INSYN2A: variants seen among roughly 807,000 people sequenced by gnomAD.
The protein encoded by INSYN2A is inhibitory synaptic factor 2A, also known as family with sequence similarity 196 member A.
INSYN2A carries 17 observed loss-of-function variants against 39.4 expected under a neutral mutation model. The ratio of observed to expected loss-of-function variants is 0.43; its 90% CI spans 0.30 to 0.65. The LOEUF (loss-of-function observed/expected upper bound fraction) is 0.65. Ranked by LOEUF, INSYN2A falls within the 30% of genes least tolerant of loss-of-function variation. The pLI, the probability that INSYN2A is intolerant of heterozygous loss-of-function variation, is 0.14. For synonymous variants in INSYN2A, 255 were observed against 265.7 expected (o/e 0.96, Z 0.39); for missense variants, 595 against 631.2 (o/e 0.94, Z 0.61).
intron 4 of INSYN2A, among the ~76,000 whole-genome samples, chr10:127,169,529 C>G (rs2054372382): frequency 6.6e-6 from 1 of 152,192 alleles, no homozygotes; most frequent in African/African-American, 2.4e-5. Flanking sequence ...AGTCCATAAC[C>G]TATGGCTTGT....
At chr10:127,195,856 G>C (rs1350928579) in intron 1 of INSYN2A, 141 bp downstream of exon 1, 13 of 152,274 alleles carry the variant, frequency 8.5e-5, no homozygotes. Context: ...CCCGGGAGCC[G>C]CCGAGTTTCC....
chr10:127,138,120 T>A, intron 5 of INSYN2A, 100 bp from the exon 6 acceptor site: 1 of 1,041,160 alleles, frequency 9.6e-7, no homozygotes, highest in Non-Finnish European at 1.4e-6. Context: ...TGTGTGTTTG[T>A]AATGTAATTT....
intron 2 of INSYN2A, 39 bp downstream of exon 2, chr10:127,192,566 C>T (rs184338619): frequency 2.0e-5 from 3 of 152,264 alleles, no homozygotes; most frequent in East Asian, 1.9e-4. Context: ...GTCTAAAGCA[C>T]GTACGACTCA....
At chr10:127,153,788 T>C in intron 5 of INSYN2A, 64 bp downstream of exon 5, 1 of 1,294,004 alleles carries the variant, frequency 7.7e-7, no homozygotes, top group Non-Finnish European at 1.1e-6. Flanking sequence ...CGTTCTTGCA[T>C]TTGTGGGTAA....
At chr10:127,185,558 C>A (rs1055094803) in intron 2 of INSYN2A, among the ~76,000 whole-genome samples, 8 of 152,294 alleles carry the variant, frequency 5.3e-5, no homozygotes, top group South Asian at 2.1e-4. Flanking sequence ...AGCTGAGATA[C>A]AGCAAGAAGA....
At chr10:127,153,607 A>C in intron 5 of INSYN2A, among the ~76,000 whole-genome samples, 1 of 152,228 alleles carries the variant, frequency 6.6e-6, no homozygotes, top group Admixed American at 6.5e-5. Flanking sequence ...CATCAAACTT[A>C]TACCAATTCT....
chr10:127,185,566 A>G (rs1478271250), intron 2 of INSYN2A, among the ~76,000 whole-genome samples: 2 of 152,220 alleles, frequency 1.3e-5, no homozygotes, highest in East Asian at 3.9e-4. Flanking sequence ...TACAGCAAGA[A>G]GACTTAGGAT....
At chr10:127,168,496 G>A (rs550767899) in intron 4 of INSYN2A, among the ~76,000 whole-genome samples, 1 of 152,212 alleles carries the variant, frequency 6.6e-6, no homozygotes, top group African/African-American at 2.4e-5. Context: ...AGGGAACACG[G>A]CACTCAGTAT....
intron 4 of INSYN2A, among the ~76,000 whole-genome samples, chr10:127,174,464 T>TA (rs1313327470): frequency 6.6e-6 from 1 of 152,210 alleles, no homozygotes; most frequent in Admixed American, 6.5e-5. Flanking sequence ...CATTTGTTTT[T>TA]AAAGATGCTG....
chr10:127,163,918 C>T (rs1343467261), intron 4 of INSYN2A, among the ~76,000 whole-genome samples: 3 of 151,520 alleles, frequency 2.0e-5, no homozygotes, highest in Non-Finnish European at 4.4e-5. Flanking sequence ...TTTTATTGGC[C>T]TCGCAGCTCC....
intron 4 of INSYN2A, among the ~76,000 whole-genome samples, chr10:127,167,625 T>G (rs1033765121): frequency 3.9e-5 from 6 of 152,142 alleles, no homozygotes; most frequent in African/African-American, 1.4e-4. Context: ...CTCCTCTCAT[T>G]TGGACCATGT....
intron 5 of INSYN2A, among the ~76,000 whole-genome samples, chr10:127,153,131 TACTC>T (rs2052671804): frequency 1.3e-5 from 2 of 152,226 alleles, no homozygotes; most frequent in South Asian, 2.1e-4. Flanking sequence ...AAAAAGAACT[TACTC>T]ATAACATTTC....
At chr10:127,158,916 T>C (rs1248617030) in intron 4 of INSYN2A, among the ~76,000 whole-genome samples, 1 of 152,186 alleles carries the variant, frequency 6.6e-6, no homozygotes, top group Admixed American at 6.5e-5. Flanking sequence ...TGTTTTCTGT[T>C]CTGTTGACCC....
intron 2 of INSYN2A, among the ~76,000 whole-genome samples, chr10:127,185,407 T>A (rs2056136923): frequency 6.6e-6 from 1 of 152,110 alleles, no homozygotes; most frequent in Non-Finnish European, 1.5e-5. Flanking sequence ...GTGCCTGTAA[T>A]CCCAGCTACT....
rs963763567 is a variant in INSYN2A at position 127,184,783 on chromosome 10, T to C, written c.-268-7644A>G. 3.9e-5 allele frequency among the ~76,000 whole-genome samples: 6 copies of C among 152,282 alleles called. No homozygotes were observed. The East Asian group carries it at 1.2e-3, about 30-fold the overall frequency. On this transcript the variant is annotated intron_variant, in intron 2 of 5. Coordinates refer to ENST00000522781, the MANE Select transcript of INSYN2A (RefSeq NM_001039762.3). ...TTCATTTTCCAGGACCGCGCCCTGG[T>C]CCTCCTTCCTCATGGATAGTCTGTG...
At chr10:127,159,572 G>C (rs1351738230) in intron 4 of INSYN2A, among the ~76,000 whole-genome samples, 1 of 152,102 alleles carries the variant, frequency 6.6e-6, no homozygotes, top group Non-Finnish European at 1.5e-5. Flanking sequence ...GGGGCATGCA[G>C]GTCTTCAGTT....
intron 5 of INSYN2A, among the ~76,000 whole-genome samples, chr10:127,138,268 C>T (rs2050881681): frequency 6.6e-6 from 1 of 152,140 alleles, no homozygotes; most frequent in Admixed American, 6.5e-5. Flanking sequence ...TTAATGTGCA[C>T]AGTTGGTGTA....
rs918545312 is a variant in INSYN2A at position 127,137,009 on chromosome 10, T to G, written c.*828A>C. On this transcript the variant is annotated 3_prime_UTR_variant, in exon 6 of 6. Transcript: ENST00000522781. ...ATCTCTATGTATGTTCTCAGATTCT[T>G]GCCAGAATGTATTATTTGGCCTTTG... 2.0e-5 allele frequency: 3 copies of G among 152,636 alleles called. No individual in the cohort carries two copies. Among genetic ancestry groups the G allele is most frequent in the Admixed American group, 2.0e-4 (3 of 15,282 alleles). The allele number at this position is 152,636 out of a possible 1,614,324, so 9.5% of individuals were successfully genotyped here.
intron 2 of INSYN2A, among the ~76,000 whole-genome samples, chr10:127,180,116 A>G (rs1203153109): frequency 6.6e-6 from 1 of 152,238 alleles, no homozygotes; most frequent in Non-Finnish European, 1.5e-5. Flanking sequence ...ACTTGAAGTG[A>G]TCCATGATAA....
Sources: gnomAD v4.1 joint callset for allele counts (sites outside exome capture counted in the v4.1 genomes callset) on GRCh38, gnomAD v4.1.1 for gene constraint, MANE v1.5 for transcripts, NCBI Gene and HGNC (gene_info 2026-07-23, HGNC 2026-07-21) for gene names.